The following TSHR variants were observed in gnomAD, a reference collection of about 807,000 sequenced individuals.
The protein encoded by TSHR is thyrotropin receptor.
Under a neutral mutation model 64.1 loss-of-function variants are expected in TSHR, and 51 were observed. The observed-to-expected ratio is 0.80, with a 90% CI of 0.64 to 1.01. The LOEUF is 1.01. Among genes scored for constraint, TSHR ranks in the 50% least tolerant of loss-of-function variants. The pLI is 0.00. For missense variants in TSHR, 877 were observed against 942.8 expected (o/e 0.93, Z 0.91); for synonymous variants, 361 against 361.9 (o/e 1.00, Z 0.03).
chr14:81,093,978 C>A (rs569485300), intron 6 of TSHR, among the ~76,000 whole-genome samples: 12 of 152,248 alleles, frequency 7.9e-5, no homozygotes, highest in South Asian at 6.2e-4. Context: ...AAGCACCCCC[C>A]TCAAGTGAAA....
At chr14:80,969,620 C>T (rs1887496394) in intron 1 of TSHR, among the ~76,000 whole-genome samples, 1 of 152,130 alleles carries the variant, frequency 6.6e-6, no homozygotes, top group South Asian at 2.1e-4. Flanking sequence ...TGAAAAGGAG[C>T]CCAAGCCATT....
chr14:81,112,580 C>T (rs1182581966), intron 8 of TSHR, among the ~76,000 whole-genome samples: 1 of 152,166 alleles, frequency 6.6e-6, no homozygotes, highest in African/African-American at 2.4e-5. Flanking sequence ...TATCCAATCC[C>T]AACAATCTGG....
chr14:80,967,504 C>T (rs1887381967), intron 1 of TSHR, among the ~76,000 whole-genome samples: 1 of 151,940 alleles, frequency 6.6e-6, no homozygotes, highest in Admixed American at 6.6e-5. Context: ...AGGCTGATCT[C>T]GAACTCCTGA....
intron 1 of TSHR, among the ~76,000 whole-genome samples, chr14:80,976,130 C>T (rs1887860430): frequency 6.6e-6 from 1 of 152,182 alleles, no homozygotes. Flanking sequence ...CCAGGATGGT[C>T]TCCATCTCCT....
intron 1 of TSHR, among the ~76,000 whole-genome samples, chr14:80,975,504 C>T (rs1478078664): frequency 6.6e-6 from 1 of 152,182 alleles, no homozygotes; most frequent in African/African-American, 2.4e-5. Flanking sequence ...TTTGCGTCCA[C>T]CTACCACTCC....
chr14:81,108,784 G>A, intron 8 of TSHR: 1 of 1,591,848 alleles, frequency 6.3e-7, no homozygotes, highest in Non-Finnish European at 8.5e-7. Flanking sequence ...ACAACTAGAT[G>A]GAAGGCACTC....
chr14:81,060,760 T>C (rs751489062), intron 1 of TSHR, among the ~76,000 whole-genome samples: 2 of 152,178 alleles, frequency 1.3e-5, no homozygotes, highest in East Asian at 3.8e-4. Context: ...GATGTGTGAT[T>C]ACCAGTGTGA....
chr14:81,053,024 G>C (rs547012493), intron 1 of TSHR: 3 of 152,278 alleles, frequency 2.0e-5, no homozygotes, highest in Non-Finnish European at 4.4e-5. Context: ...AGGCTCAAGA[G>C]AAGCAGTTGG....
At chr14:81,055,942 T>A (rs997576869) in intron 1 of TSHR, among the ~76,000 whole-genome samples, 1 of 152,032 alleles carries the variant, frequency 6.6e-6, no homozygotes, top group Admixed American at 6.6e-5. Context: ...TTTTGAAACA[T>A]AAGGACATGA....
At chr14:80,982,157 G>C in intron 1 of TSHR, 1 of 581,144 alleles carries the variant, frequency 1.7e-6, no homozygotes, top group Non-Finnish European at 3.2e-6. Flanking sequence ...CAGTGGCAGA[G>C]ATGAAGGCAG....
chr14:81,111,251 T>G (rs1384757308), intron 8 of TSHR, among the ~76,000 whole-genome samples: 3 of 152,164 alleles, frequency 2.0e-5, no homozygotes, highest in Non-Finnish European at 1.5e-5. Context: ...GAAAATAAAG[T>G]CAACCAAACT....
At chr14:81,139,896 C>A (rs749817885) in intron 9 of TSHR, 29 bp downstream of exon 9, 2 of 1,613,058 alleles carry the variant, frequency 1.2e-6, no homozygotes, top group African/African-American at 2.7e-5. Context: ...GCATAAGTGA[C>A]AAAAGACCTT....
chr14:80,967,283 A>ATTT (rs35619720), intron 1 of TSHR, among the ~76,000 whole-genome samples: 6 of 111,868 alleles, frequency 5.4e-5, no homozygotes, highest in South Asian at 3.1e-4. Flanking sequence ...CCTGACTTAC[A>ATTT]TTTTTTTTTT....
At position 80,973,366 on chromosome 14, in the gene TSHR, A is replaced by ACTGCACT. The variant is rs1190477122; in HGVS notation, c.170+17518_170+17524dup. Reference sequence around the variant, plus strand: ...GCCTGCAGTGAGCCGAGATCGCGCCACTGCACTCACGCCCGGGTGACAGCG... The same window carrying ACTGCACT: ...GCCTGCAGTGAGCCGAGATCGCGCCACTGCACTCTGCACTCACGCCCGGGTGACAGCG... On this transcript the variant is annotated intron_variant, in intron 1 of 9. Transcript: ENST00000298171. Among the ~76,000 whole-genome samples, 4 of 137,442 alleles carry ACTGCACT rather than the reference A, an allele frequency of 2.9e-5. No homozygotes were observed. In the East Asian group the frequency reaches 9.1e-4, roughly 31 times the overall value. The allele number at this position is 137,442 out of a possible 152,430, so 90.2% of individuals were successfully genotyped here.
intron 7 of TSHR, among the ~76,000 whole-genome samples, chr14:81,107,894 C>T (rs1712717357): frequency 6.6e-6 from 1 of 152,176 alleles, no homozygotes; most frequent in Non-Finnish European, 1.5e-5. Context: ...AATCTGACAA[C>T]TTTACCCAAA....
chr14:81,056,605 G>GAT (rs1885820038), intron 1 of TSHR, among the ~76,000 whole-genome samples: 2 of 152,188 alleles, frequency 1.3e-5, no homozygotes, highest in Admixed American at 1.3e-4. Flanking sequence ...ACAATTTGGA[G>GAT]ACCTAAACCA....
intron 2 of TSHR, among the ~76,000 whole-genome samples, chr14:81,064,898 T>G (rs538744711): frequency 6.6e-6 from 1 of 152,122 alleles, no homozygotes; most frequent in South Asian, 2.1e-4. Context: ...GAGATCCAAA[T>G]AGAGGGATTG....
intron 6 of TSHR, among the ~76,000 whole-genome samples, chr14:81,096,315 C>T (rs913674094): frequency 6.6e-6 from 1 of 152,118 alleles, no homozygotes; most frequent in Admixed American, 6.5e-5. Flanking sequence ...TAACTATTAC[C>T]TCAAATCCCT....
intron 2 of TSHR, among the ~76,000 whole-genome samples, chr14:81,064,051 T>C (rs972754135): frequency 4.6e-5 from 7 of 151,922 alleles, no homozygotes; most frequent in African/African-American, 1.7e-4. Flanking sequence ...TGTGAAGGAG[T>C]TTAAAATCTT....
Sources: gnomAD v4.1 joint callset for allele counts (sites outside exome capture counted in the v4.1 genomes callset) on GRCh38, gnomAD v4.1.1 for gene constraint, MANE v1.5 for transcripts, NCBI Gene and HGNC (gene_info 2026-07-23, HGNC 2026-07-21) for gene names.